Variants in CCM2L observed in about 807,000 individuals in gnomAD.
CCM2L encodes the protein cerebral cavernous malformations 2 protein-like.
Under a neutral mutation model 54.1 loss-of-function variants are expected in CCM2L, and 36 were observed. The ratio of observed to expected loss-of-function variants is 0.67; its 90% CI spans 0.51 to 0.88. The LOEUF (loss-of-function observed/expected upper bound fraction) is 0.88, where lower values mean the gene tolerates loss of function less well. Among genes scored for constraint, CCM2L ranks in the 40% least tolerant of loss-of-function variants. The pLI is 0.00. For synonymous variants in CCM2L, 351 were observed against 359.3 expected (o/e 0.98, Z 0.26); for missense variants, 700 against 812.1 (o/e 0.86, Z 1.68).
At chr20:32,010,541 G>A in intron 1 of CCM2L, 57 bp downstream of exon 1, 7 of 1,327,966 alleles carry the variant, frequency 5.3e-6, no homozygotes, top group Non-Finnish European at 7.4e-6. Context: ...GCTGGGGAAG[G>A]GGGCAAACTG....
chr20:32,018,143 C>G lies in CCM2L; in HGVS notation c.447C>G (p.His149Gln). 1.3e-6 allele frequency: 2 copies of G among 1,586,752 alleles called. No individual in the cohort carries two copies. Among genetic ancestry groups the G allele is most frequent in the South Asian group, 1.1e-5 (1 of 88,326 alleles). Reference protein sequence around the residue: ...AASYLQDDALHLLVLKTGLGV... With the variant: ...AASYLQDDALQLLVLKTGLGV... ...CCTACCTGCAGGACGACGCGCTGCA[C>G]CTGCTAGTGCTCAAGACCGGTGCGG... The change falls in exon 4 of 10, where the codon CAC (histidine) becomes CAG (glutamine). Residue 149 changes from histidine to glutamine, a missense_variant. Coordinates refer to ENST00000452892, the MANE Select transcript of CCM2L (RefSeq NM_001365692.1).
chr20:32,025,166 CTTTCCTTTCTTT>C lies in CCM2L; in HGVS notation c.1070-680_1070-669del, dbSNP rs1489750490. ...CCTTCCCCTTCCCCTTTCTTTCTTTCTTTCCTTTCTTTTTTCCTTTCCTTTCCTCTTTTTCTT... is the reference window on the plus strand; with the variant it reads ...CCTTCCCCTTCCCCTTTCTTTCTTTCTTTCCTTTCCTTTCCTCTTTTTCTT... On this transcript the variant is annotated intron_variant, in intron 6 of 9. Coordinates refer to ENST00000452892, the MANE Select transcript of CCM2L (RefSeq NM_001365692.1). Among the ~76,000 whole-genome samples, 3 of 148,012 alleles carry C rather than the reference CTTTCCTTTCTTT, an allele frequency of 2.0e-5. No individual in the cohort carries two copies. The East Asian group carries it at 5.9e-4, about 29-fold the overall frequency.
intron 7 of CCM2L, 107 bp from the exon 8 acceptor site, chr20:32,028,888 C>G: frequency 1.4e-6 from 2 of 1,434,440 alleles, no homozygotes; most frequent in Non-Finnish European, 1.9e-6. Flanking sequence ...GTATGCGAGG[C>G]CTTGGAGGCC....
intron 2 of CCM2L, 85 bp from the exon 3 acceptor site, chr20:32,017,715 G>A: frequency 9.8e-7 from 1 of 1,015,338 alleles, no homozygotes; most frequent in Non-Finnish European, 1.6e-6. Context: ...CAATCTATCC[G>A]CACTGCATCA....
rs1235656871 is a variant in CCM2L at position 32,019,149 on chromosome 20, G to A, written c.673G>A (p.Glu225Lys). The change falls in exon 5 of 10, where the codon GAG becomes AAG. Residue 225 changes from glutamate to lysine, a missense_variant. Glu to Lys is a moderately conservative substitution (Grantham distance 56). Coordinates refer to ENST00000452892, the MANE Select transcript of CCM2L (RefSeq NM_001365692.1). Reference protein sequence around the residue: ...RAGGGGGGSLERQRAGARASG... With the variant: ...RAGGGGGGSLKRQRAGARASG... Reference sequence around the variant, plus strand: ...CGGGGGAGGCGGCGGCGGCAGCTTGGAGCGCCAGCGCGCCGGGGCGCGGGC... The same window carrying A: ...CGGGGGAGGCGGCGGCGGCAGCTTGAAGCGCCAGCGCGCCGGGGCGCGGGC... 2 of 1,127,180 alleles carry A rather than the reference G, an allele frequency of 1.8e-6. No individual in the cohort carries two copies. Among genetic ancestry groups the A allele is most frequent in the Non-Finnish European group, 2.2e-6 (2 of 917,582 alleles). The allele number at this position is 1,127,180 out of a possible 1,614,324, so 69.8% of individuals were successfully genotyped here.
At chr20:32,011,327 G>A (rs772730870) in intron 1 of CCM2L, among the ~76,000 whole-genome samples, 4 of 152,100 alleles carry the variant, frequency 2.6e-5, no homozygotes, top group African/African-American at 7.2e-5. Flanking sequence ...TAGAAGGGCC[G>A]GGTGCAGTGG....
At chr20:32,023,754 C>T (rs1021759133) in intron 6 of CCM2L, among the ~76,000 whole-genome samples, 4 of 152,186 alleles carry the variant, frequency 2.6e-5, no homozygotes, top group African/African-American at 4.8e-5. Flanking sequence ...TTGTTTGAGA[C>T]GGAGTCTCAC....
rs1452858352 is a variant in CCM2L, at chr20:32,025,178, TTTTCC to T, written c.1070-666_1070-662del. Among the ~76,000 whole-genome samples the T allele has an allele frequency of 8.6e-5, 13 of 151,830 alleles. No individual in the cohort carries two copies. The East Asian group carries it at 1.5e-3, about 18-fold the overall frequency. The stretch of plus-strand genomic sequence containing the variant: ...CCTTTCTTTCTTTCTTTCCTTTCTT[TTTTCC>T]TTTCCTTTCCTCTTTTTCTTTCTTT... On this transcript the variant is annotated intron_variant, in intron 6 of 9. Transcript: ENST00000452892.
At position 32,019,115 on chromosome 20, in the gene CCM2L, G is replaced by T. The variant is rs1162329408; in HGVS notation, c.639G>T (p.Glu213Asp). The T allele has an allele frequency of 8.6e-7, 1 of 1,165,262 alleles. No individual in the cohort carries two copies. The highest frequency in any genetic ancestry group is 1.1e-6 in the Non-Finnish European group (1 of 945,076). 72.2% of individuals were successfully genotyped at this position (1,165,262 alleles called of 1,614,324 possible). ...WRMGWGGGAA[E>D]ARAGGGGGGS... ...TGGGGTGGGGTGGGGGCGCCGCGGAGGCCCGGGCCGGGGGAGGCGGCGGCG... is the reference window on the plus strand; with the variant it reads ...TGGGGTGGGGTGGGGGCGCCGCGGATGCCCGGGCCGGGGGAGGCGGCGGCG... Residue 213 changes from glutamate to aspartate, a missense_variant, in exon 5 of 10, where the codon GAG (glutamate) becomes GAT (aspartate). Transcript: ENST00000452892.
chr20:32,018,163 G>C lies in CCM2L; in HGVS notation c.466+1G>C, dbSNP rs951023163. ...CTGCACCTGCTAGTGCTCAAGACCG[G>C]TGCGGCGGGAGGGGGCGGGGGCGGG... On this transcript the variant is annotated splice_donor_variant, in intron 4 of 9. Coordinates refer to ENST00000452892, the MANE Select transcript of CCM2L (RefSeq NM_001365692.1). LOFTEE classifies it high-confidence loss of function. The C allele has an allele frequency of 1.5e-6, 2 of 1,372,126 alleles. No individual in the cohort carries two copies. Among genetic ancestry groups the C allele is most frequent in the Non-Finnish European group, 1.9e-6 (2 of 1,041,938 alleles). The allele number at this position is 1,372,126 out of a possible 1,614,324, so 85.0% of individuals were successfully genotyped here. A position where few individuals can be genotyped will look rare whatever the true frequency, so the allele number is the denominator to read the frequency against.
In CCM2L at chr20:32,018,036, T is replaced by C. The variant is rs749671871; in HGVS notation, c.340T>C (p.Ser114Pro). Reference sequence around the variant, plus strand: ...GGAGCAGGACAGCATCCTGAGCCTGTCTGCCCGCTGCCTGCTGCTCACCTG... The same window carrying C: ...GGAGCAGGACAGCATCCTGAGCCTGCCTGCCCGCTGCCTGCTGCTCACCTG... ...TAEQDSILSL[S>P]ARCLLLTWRD... The change falls in exon 4 of 10, where the codon TCT becomes CCT. Residue 114 changes from serine (S) to proline (P), a missense_variant. Transcript: ENST00000452892. The C allele has an allele frequency of 1.2e-6, 2 of 1,613,814 alleles. No individual in the cohort carries two copies. The highest frequency in any genetic ancestry group is 1.7e-6 in the Non-Finnish European group (2 of 1,180,002).
In CCM2L at chr20:32,025,077, TTCTTTC is replaced by T. The variant is rs1300919395; in HGVS notation, c.1070-775_1070-770del. On this transcript the variant is annotated intron_variant, in intron 6 of 9. Transcript: ENST00000452892. ...TCTTCTTCTTTCTTTCTTTCTTTCT[TTCTTTC>T]TCTCTTTCTTTTCTTTTCTTTTCCT... Among the ~76,000 whole-genome samples the T allele has an allele frequency of 3.1e-3, 460 of 150,096 alleles. 2 individuals are homozygous for T. Among genetic ancestry groups the T allele is most frequent in the African/African-American group, 0.011 (439 of 39,648 alleles).
chr20:32,026,655 C>T (rs1015005352), intron 7 of CCM2L, among the ~76,000 whole-genome samples: 2 of 152,174 alleles, frequency 1.3e-5, no homozygotes, highest in African/African-American at 4.8e-5. Context: ...GCAGGTGGAT[C>T]GCTTGAGCCT....
intron 9 of CCM2L, 84 bp from the exon 10 acceptor site, chr20:32,030,917 A>C: frequency 8.3e-7 from 1 of 1,199,670 alleles, no homozygotes; most frequent in Non-Finnish European, 1.1e-6. Flanking sequence ...AGGGATTTGC[A>C]CCCAGATCTG....
Position 32,025,846 on chromosome 20 carries a change from C to A in CCM2L, c.1070-10C>A. On this transcript the variant is annotated splice_polypyrimidine_tract_variant and intron_variant, in intron 6 of 9. Transcript: ENST00000452892. The stretch of plus-strand genomic sequence containing the variant: ...CTGCCTCTGACAGTCCCTCTGTCTG[C>A]TGGTCCCAGGTGAGAGCTGCCACAC... The A allele has an allele frequency of 7.7e-7, 1 of 1,303,546 alleles. No homozygotes were observed. The highest frequency in any genetic ancestry group is 1.0e-6 in the Non-Finnish European group (1 of 988,722). The allele number at this position is 1,303,546 out of a possible 1,614,324, so 80.7% of individuals were successfully genotyped here. A position where few individuals can be genotyped will look rare whatever the true frequency, so the allele number is the denominator to read the frequency against.
chr20:32,019,305 G>T lies in CCM2L; in HGVS notation c.829G>T (p.Gly277Ter). 3 of 1,300,322 alleles carry T rather than the reference G, an allele frequency of 2.3e-6. No homozygotes were observed. Among genetic ancestry groups the T allele is most frequent in the Non-Finnish European group, 2.9e-6 (3 of 1,024,794 alleles). 80.5% of individuals were successfully genotyped at this position (1,300,322 alleles called of 1,614,324 possible). ...WERRQAGSGG[G>*]GSWERRHPGP... ...GCGGAGGCAGGCGGGCAGCGGCGGGGGAGGCAGCTGGGAGCGGCGCCACCC... is the reference window on the plus strand; with the variant it reads ...GCGGAGGCAGGCGGGCAGCGGCGGGTGAGGCAGCTGGGAGCGGCGCCACCC... The change falls in exon 5 of 10, where the codon GGA (glycine) becomes TGA (stop). Residue 277 changes from glycine (G) to a stop codon, truncating the protein, a stop_gained. Transcript: ENST00000452892. LOFTEE classifies it high-confidence loss of function.
Position 32,018,295 on chromosome 20 carries a change from G to A in CCM2L, c.466+133G>A, listed in dbSNP as rs1323937461. 9 of 718,068 alleles carry A rather than the reference G, an allele frequency of 1.3e-5. 1 individual carries two copies. The Middle Eastern group carries it at 1.6e-3, about 128-fold the overall frequency. 44.5% of individuals were successfully genotyped at this position (718,068 alleles called of 1,614,324 possible). ...GGAGAAGGAGAGGGACCTGCGGCGGGGGCAGAGGAGATGGAAAAGGTCTGA... is the reference window on the plus strand; with the variant it reads ...GGAGAAGGAGAGGGACCTGCGGCGGAGGCAGAGGAGATGGAAAAGGTCTGA... On this transcript the variant is annotated intron_variant, in intron 4 of 9. Transcript: ENST00000452892.
intron 5 of CCM2L, among the ~76,000 whole-genome samples, chr20:32,020,924 C>T (rs2064800385): frequency 6.6e-6 from 1 of 152,144 alleles, no homozygotes; most frequent in South Asian, 2.1e-4. Flanking sequence ...GTAGACCGCA[C>T]CACTGCACTC....
chr20:32,024,785 C>T (rs2064838451), intron 6 of CCM2L, among the ~76,000 whole-genome samples: 1 of 152,196 alleles, frequency 6.6e-6, no homozygotes, highest in Non-Finnish European at 1.5e-5. Context: ...AGAGATCACA[C>T]CACTGCACTC....
Sources: allele counts gnomAD v4.1 joint callset (sites outside exome capture counted in the v4.1 genomes callset), GRCh38; gene constraint gnomAD v4.1.1; transcripts MANE v1.5; gene names NCBI Gene and HGNC (gene_info 2026-07-23, HGNC 2026-07-21).